Variants in ATP10B observed in about 807,000 individuals in gnomAD.
ATP10B encodes the protein phospholipid-transporting ATPase VB.
Under a neutral mutation model 141.2 loss-of-function variants are expected in ATP10B, and 122 were observed. The observed-to-expected ratio is 0.86, with a 90% CI of 0.75 to 1.00. The LOEUF is 1.00. Ranked by LOEUF, ATP10B falls within the 50% of genes least tolerant of loss-of-function variation. The probability of loss-of-function intolerance (pLI) is 0.00; values close to 1 mark genes in which losing one functional copy is unlikely to be tolerated. For missense variants in ATP10B, 1,876 were observed against 1,825.3 expected, an observed-to-expected ratio of 1.03 and a Z score of -0.51; for synonymous variants, 685 against 692.0, an observed-to-expected ratio of 0.99 and a Z score of 0.16.
At chr5:160,628,666 A>T (rs927501719) in intron 13 of ATP10B, among the ~76,000 whole-genome samples, 1 of 152,146 alleles carries the variant, frequency 6.6e-6, no homozygotes, top group South Asian at 2.1e-4. Context: ...CCCCAATACA[A>T]ATTTTATGAT....
At chr5:160,884,768 A>C in the ATP10B span, among the ~76,000 whole-genome samples, 1 of 152,252 alleles carries the variant, frequency 6.6e-6, no homozygotes, top group Non-Finnish European at 1.5e-5. Context: ...GCAGTCATAC[A>C]TTTAAGCAAA....
intron 24 of ATP10B, among the ~76,000 whole-genome samples, chr5:160,583,266 G>A (rs1461980826): frequency 2.6e-5 from 4 of 152,070 alleles, no homozygotes; most frequent in African/African-American, 9.7e-5. Context: ...TGGGGTTTCT[G>A]TATGGGCTTT....
At chr5:160,769,627 G>A (rs1045978568) in intron 2 of ATP10B, among the ~76,000 whole-genome samples, 12 of 152,284 alleles carry the variant, frequency 7.9e-5, no homozygotes, top group African/African-American at 2.9e-4. Flanking sequence ...AATGGCAAAG[G>A]CAGAAAATTT....
At chr5:160,631,712 G>A (rs551577910) in intron 13 of ATP10B, among the ~76,000 whole-genome samples, 2 of 152,236 alleles carry the variant, frequency 1.3e-5, no homozygotes, top group East Asian at 3.9e-4. Flanking sequence ...CATGCATAAT[G>A]AGTATGCAGT....
At chr5:160,829,053 G>C (rs891583388) in intron 1 of ATP10B, among the ~76,000 whole-genome samples, 1 of 108,634 alleles carries the variant, frequency 9.2e-6, no homozygotes, top group Non-Finnish European at 1.7e-5. Context: ...TCTGGGGACT[G>C]TTGTGGGGTG....
chr5:160,767,204 G>A lies in ATP10B; in HGVS notation c.-331+18355C>T, dbSNP rs535015719. 1.2e-3 allele frequency among the ~76,000 whole-genome samples: 187 copies of A among 152,266 alleles called. 1 individual carries two copies. The highest frequency in any genetic ancestry group is 2.2e-3 in the Non-Finnish European group (150 of 68,012). On this transcript the variant is annotated intron_variant, in intron 2 of 25. Coordinates refer to ENST00000327245, the MANE Select transcript of ATP10B (RefSeq NM_025153.3). ...TGCATTCTAAGCTGCTCTGGGTAAC[G>A]GGTTGGACAAGCTTGATATAAGTCA...
intron 22 of ATP10B, among the ~76,000 whole-genome samples, chr5:160,597,329 A>G (rs974682331): frequency 3.3e-5 from 5 of 152,226 alleles, no homozygotes; most frequent in African/African-American, 1.2e-4. Context: ...TGCTGGGAAA[A>G]CTGGCTAGCC....
chr5:160,620,662 C>T lies in ATP10B; in HGVS notation c.2101G>A (p.Glu701Lys). The T allele has an allele frequency of 6.2e-7, 1 of 1,613,558 alleles. No homozygotes were observed. The highest frequency in any genetic ancestry group is 8.5e-7 in the Non-Finnish European group (1 of 1,179,530). The part of the protein sequence containing the change: ...LESGSGTSLE[E>K]ALEAPATDLA... ...TCTGTGGCTGGGGCCTCCAATGCCT[C>T]CTCCAAGGAAGTGCCTGACCCAGAC... Residue 701 changes from glutamate to lysine, a missense_variant, in exon 15 of 26, where the codon GAG (glutamate) becomes AAG (lysine). Physicochemically the swap from Glu to Lys is moderately conservative, Grantham distance 56. Transcript: ENST00000327245.
At chr5:160,805,610 C>T (rs1405052696) in intron 1 of ATP10B, among the ~76,000 whole-genome samples, 1 of 151,992 alleles carries the variant, frequency 6.6e-6, no homozygotes, top group African/African-American at 2.4e-5. Flanking sequence ...GAGCCAGAAA[C>T]CTGTCTCGCC....
rs1754752655 is a variant in ATP10B, at chr5:160,569,612, G to A, written c.3822C>T (p.Ala1274=). The A allele has an allele frequency of 6.2e-7, 1 of 1,613,430 alleles. No individual in the cohort carries two copies. Among genetic ancestry groups the A allele is most frequent in the Admixed American group, 1.7e-5 (1 of 59,928 alleles). The change falls in exon 25 of 26, where the codon GCC becomes GCT. Residue 1274 remains alanine (A), a synonymous_variant. Coordinates refer to ENST00000327245, the MANE Select transcript of ATP10B (RefSeq NM_025153.3). ...MYFLVSLLYN[A]TCVICNSPTN... ...TGGGGCTGTTGCAGATGACGCAGGT[G>A]GCATTGTACAGGAGGGATACCAGAA...
intron 2 of ATP10B, among the ~76,000 whole-genome samples, chr5:160,758,927 T>C (rs1397580736): frequency 6.6e-6 from 1 of 152,234 alleles, no homozygotes; most frequent in Non-Finnish European, 1.5e-5. Flanking sequence ...TTTTTCACTG[T>C]CTGCCATGGT....
At chr5:160,686,843 C>T (rs904520699) in intron 5 of ATP10B, 163 of 605,326 alleles carry the variant, frequency 2.7e-4, no homozygotes, top group Non-Finnish European at 3.3e-4. Context: ...ATAGCAGTTG[C>T]TCAGTAAATG....
chr5:160,633,670 T>C, intron 12 of ATP10B: 1 of 158,256 alleles, frequency 6.3e-6, no homozygotes, highest in Non-Finnish European at 1.4e-5. Context: ...CTGCACATTC[T>C]GCACATGTAT....
At chr5:160,573,757 G>C (rs1421947) in intron 24 of ATP10B, among the ~76,000 whole-genome samples, 10,689 of 152,060 alleles carry the variant, frequency 0.07, 1,214 homozygotes, top group African/African-American at 0.24. Context: ...TGTGGTCCCT[G>C]GTGCCAAAAA....
the ATP10B span, among the ~76,000 whole-genome samples, chr5:160,868,521 T>TACACACACACACACACCCAC: frequency 7.7e-6 from 1 of 130,322 alleles, no homozygotes; most frequent in African/African-American, 2.9e-5. Flanking sequence ...TATGAACAGA[T>TACACACACACACACACCCAC]ACACACACAC....
chr5:160,877,001 C>T, the ATP10B span, among the ~76,000 whole-genome samples: 46,573 of 147,628 alleles, frequency 0.32, 8,718 homozygotes, highest in East Asian at 0.43. Flanking sequence ...TTCCAATCAA[C>T]AGAAAAAGAG....
At chr5:160,877,656 C>G in the ATP10B span, among the ~76,000 whole-genome samples, 5 of 149,478 alleles carry the variant, frequency 3.3e-5, no homozygotes, top group African/African-American at 1.2e-4. Flanking sequence ...AGCCCAAAAT[C>G]TCCTTAAGCT....
chr5:160,838,118 T>C (rs1048728894), intron 1 of ATP10B, among the ~76,000 whole-genome samples: 15 of 152,168 alleles, frequency 9.9e-5, no homozygotes, highest in African/African-American at 2.9e-4. Flanking sequence ...ACTTCATCAA[T>C]TCATGACGCC....
the ATP10B span, among the ~76,000 whole-genome samples, chr5:160,881,827 T>A: frequency 6.7e-6 from 1 of 148,732 alleles, no homozygotes; most frequent in African/African-American, 2.5e-5. Flanking sequence ...AATAAATAAA[T>A]AAAACAATAA....
Sources: gnomAD v4.1 joint callset for allele counts (sites outside exome capture counted in the v4.1 genomes callset) on GRCh38, gnomAD v4.1.1 for gene constraint, MANE v1.5 for transcripts, NCBI Gene and HGNC (gene_info 2026-07-23, HGNC 2026-07-21) for gene names.